The following COBLL1 variants were observed in gnomAD, a reference collection of about 807,000 sequenced individuals.
COBLL1 encodes cordon-bleu protein-like 1.
In COBLL1, 50 loss-of-function variants were observed where a neutral mutation model predicts 94.8. That is an observed-to-expected ratio of 0.53 (90% CI 0.42 to 0.67). The LOEUF (loss-of-function observed/expected upper bound fraction) is 0.67, where lower values mean the gene tolerates loss of function less well. Ranked by LOEUF, COBLL1 falls within the 30% of genes least tolerant of loss-of-function variation. The pLI, the probability that COBLL1 is intolerant of heterozygous loss-of-function variation, is 0.00. For synonymous variants in COBLL1, 448 were observed against 473.8 expected (o/e 0.95, Z 0.71); for missense variants, 1,362 against 1,348.7 (o/e 1.01, Z -0.15).
intron 9 of COBLL1, among the ~76,000 whole-genome samples, chr2:164,701,273 C>T (rs1684241013): frequency 1.3e-5 from 2 of 152,164 alleles, no homozygotes; most frequent in African/African-American, 4.8e-5. Flanking sequence ...TCCACAAAAT[C>T]AGAATCTCTG....
At position 164,737,358 on chromosome 2, in the gene COBLL1, G is replaced by A. The variant is rs1196768342; in HGVS notation, c.230+6329C>T. Among the ~76,000 whole-genome samples, 4 of 152,128 alleles carry A rather than the reference G, an allele frequency of 2.6e-5. No homozygotes were observed. In the East Asian group the frequency reaches 7.8e-4, roughly 29 times the overall value. On this transcript the variant is annotated intron_variant, in intron 3 of 13. Transcript: ENST00000652658. ...GGTGACAGAGGCTGACATTCTCCTG[G>A]GCTCAGAGCCATGGGGGACATGGGA...
intron 2 of COBLL1, among the ~76,000 whole-genome samples, chr2:164,822,872 C>T (rs989273505): frequency 2.0e-5 from 3 of 151,516 alleles, no homozygotes; most frequent in Non-Finnish European, 2.9e-5. Flanking sequence ...CAGGTTCAAG[C>T]GATTCTCGTG....
At position 164,728,183 on chromosome 2, in the gene COBLL1, T is replaced by C. The variant is rs1685814181; in HGVS notation, c.447A>G (p.Val149=). The C allele has an allele frequency of 6.2e-7, 1 of 1,610,076 alleles. No individual in the cohort carries two copies. Among genetic ancestry groups the C allele is most frequent in the Non-Finnish European group, 8.5e-7 (1 of 1,176,756 alleles). ...TPIIPEKTVR[V]VINFKKTQKT... ...TCTGTGTTTTCTTAAAATTAATCACTACTCTCACAGTTTTCTGAAACACAT... is the reference window on the plus strand; with the variant it reads ...TCTGTGTTTTCTTAAAATTAATCACCACTCTCACAGTTTTCTGAAACACAT... Residue 149 remains valine, a synonymous_variant, in exon 5 of 14, where the codon GTA becomes GTG. Coordinates refer to ENST00000652658, the MANE Select transcript of COBLL1 (RefSeq NM_001365672.2).
At chr2:164,793,484 A>G (rs1299026745) in intron 2 of COBLL1, among the ~76,000 whole-genome samples, 1 of 152,186 alleles carries the variant, frequency 6.6e-6, no homozygotes, top group Admixed American at 6.5e-5. Context: ...TACTGTGCTG[A>G]AAAATACTAA....
chr2:164,825,104 A>T (rs1269360576), intron 2 of COBLL1, among the ~76,000 whole-genome samples: 1 of 152,222 alleles, frequency 6.6e-6, no homozygotes, highest in Non-Finnish European at 1.5e-5. Context: ...GTGACCATTA[A>T]ATATAGCAAC....
At chr2:164,660,332 G>A (rs528787090) in intron 2 of COBLL1, among the ~76,000 whole-genome samples, 17 of 152,274 alleles carry the variant, frequency 1.1e-4, no homozygotes, top group Admixed American at 1.1e-3. Flanking sequence ...TGTTGTTAAT[G>A]TGTTATTGTG....
chr2:164,796,705 CAAAA>C (rs34412964), intron 2 of COBLL1, among the ~76,000 whole-genome samples: 136 of 86,698 alleles, frequency 1.6e-3, no homozygotes, highest in African/African-American at 5.5e-3. Context: ...GCTGGCCTTC[CAAAA>C]AAAAAAAAAA....
At chr2:164,720,621 A>G (rs1452144139) in intron 7 of COBLL1, among the ~76,000 whole-genome samples, 1 of 152,214 alleles carries the variant, frequency 6.6e-6, no homozygotes, top group Non-Finnish European at 1.5e-5. Flanking sequence ...GAATAAATTT[A>G]AAAGGGCTAC....
intron 2 of COBLL1, among the ~76,000 whole-genome samples, chr2:164,805,620 T>C (rs889631239): frequency 7.9e-5 from 12 of 151,950 alleles, no homozygotes; most frequent in African/African-American, 2.9e-4. Context: ...TTTCACTGAG[T>C]AATATGCATT....
intron 2 of COBLL1, chr2:164,773,885 A>G (rs980329592): frequency 7.6e-6 from 2 of 261,610 alleles, no homozygotes; most frequent in African/African-American, 2.3e-5. Flanking sequence ...GGTCTTATCC[A>G]ATCATTCTGG....
intron 2 of COBLL1, among the ~76,000 whole-genome samples, chr2:164,808,103 A>G (rs1684278610): frequency 6.6e-6 from 1 of 152,136 alleles, no homozygotes; most frequent in African/African-American, 2.4e-5. Context: ...TACAGCCATG[A>G]TCCACCGTGC....
chr2:164,730,583 A>G (rs988629587), intron 3 of COBLL1, among the ~76,000 whole-genome samples: 3 of 152,198 alleles, frequency 2.0e-5, no homozygotes, highest in African/African-American at 7.2e-5. Flanking sequence ...TTAAACAGAC[A>G]AAATTGTAAT....
intron 2 of COBLL1, among the ~76,000 whole-genome samples, chr2:164,762,731 C>T (rs1687744068): frequency 7.1e-6 from 1 of 141,592 alleles, no homozygotes; most frequent in Non-Finnish European, 1.5e-5. Flanking sequence ...CAGTCTTGCT[C>T]TGTCACCCAG....
chr2:164,677,193 A>G (rs1185555399), downstream of COBLL1, among the ~76,000 whole-genome samples: 1 of 152,138 alleles, frequency 6.6e-6, no homozygotes, highest in African/African-American at 2.4e-5. Flanking sequence ...TGTCCTTGAC[A>G]TTTGCTTACT....
intron 2 of COBLL1, among the ~76,000 whole-genome samples, chr2:164,788,731 G>A (rs1032013537): frequency 1.3e-5 from 2 of 151,930 alleles, no homozygotes; most frequent in Non-Finnish European, 1.5e-5. Context: ...GCTCACACCT[G>A]TAATCTCAGC....
At chr2:164,711,008 T>C (rs1684872208) in intron 7 of COBLL1, among the ~76,000 whole-genome samples, 1 of 152,136 alleles carries the variant, frequency 6.6e-6, no homozygotes, top group Non-Finnish European at 1.5e-5. Context: ...GAGAGAGGCT[T>C]ACAGAGAGTT....
chr2:164,740,975 C>T (rs1441728908), intron 3 of COBLL1, among the ~76,000 whole-genome samples: 2 of 152,004 alleles, frequency 1.3e-5, no homozygotes, highest in Admixed American at 6.6e-5. Context: ...TGTGGTGAAG[C>T]TTAAGATACA....
rs76335345 is a variant in COBLL1 at position 164,801,141 on chromosome 2, T to A, written c.41+40015A>T. ...AGTGAGATCTCATCACTCCAAAAAATTAAAAAGCTTAGCTAAGGCCGGGCG... is the reference window on the plus strand; with the variant it reads ...AGTGAGATCTCATCACTCCAAAAAAATAAAAAGCTTAGCTAAGGCCGGGCG... On this transcript the variant is annotated intron_variant, in intron 2 of 13. Transcript: ENST00000652658. Among the ~76,000 whole-genome samples the A allele has an allele frequency of 2.2e-3, 328 of 151,834 alleles. 4 individuals are homozygous for A. The East Asian group carries it at 0.052, about 24-fold the overall frequency.
intron 9 of COBLL1, among the ~76,000 whole-genome samples, chr2:164,702,520 C>T (rs1239364738): frequency 6.7e-5 from 9 of 135,210 alleles, no homozygotes; most frequent in East Asian, 2.1e-4. Context: ...GCCGAGATCA[C>T]GCCACTGCAC....
Sources: allele counts gnomAD v4.1 joint callset (sites outside exome capture counted in the v4.1 genomes callset), GRCh38; gene constraint gnomAD v4.1.1; transcripts MANE v1.5; gene names NCBI Gene and HGNC (gene_info 2026-07-23, HGNC 2026-07-21).